SDK2: variants seen among roughly 807,000 people sequenced by gnomAD.
The protein encoded by SDK2 is sidekick cell adhesion molecule 2, also known as protein sidekick-2.
Under a neutral mutation model 253.9 loss-of-function variants are expected in SDK2, and 105 were observed. The observed-to-expected ratio is 0.41, with a 90% CI of 0.35 to 0.49. The LOEUF (loss-of-function observed/expected upper bound fraction) is 0.49, where lower values mean the gene tolerates loss of function less well. Ranked by LOEUF, SDK2 falls within the 20% of genes least tolerant of loss-of-function variation. The pLI is 0.06. For synonymous variants in SDK2, 1,249 were observed against 1,234.9 expected, an observed-to-expected ratio of 1.01 and a Z score of -0.24; for missense variants, 2,608 against 3,003.0, an observed-to-expected ratio of 0.87 and a Z score of 3.07.
intron 3 of SDK2, among the ~76,000 whole-genome samples, chr17:73,466,073 ACTC>A (rs1267584746): frequency 6.6e-6 from 1 of 151,974 alleles, no homozygotes; most frequent in African/African-American, 2.4e-5. Flanking sequence ...GGAGGCACCC[ACTC>A]TTGGGGTCAT....
intron 15 of SDK2, among the ~76,000 whole-genome samples, chr17:73,421,212 G>A (rs555565819): frequency 1.7e-4 from 26 of 152,316 alleles, no homozygotes; most frequent in African/African-American, 5.8e-4. Context: ...CAGTGAGTAT[G>A]TAAATCCCCC....
chr17:73,350,504 G>C, intron 42 of SDK2, 129 bp from the exon 43 acceptor site: 5 of 1,426,878 alleles, frequency 3.5e-6, no homozygotes, highest in Non-Finnish European at 4.7e-6. Flanking sequence ...GATTGAGATT[G>C]TGTGTAGAAA....
chr17:73,425,682 T>G (rs990583817), intron 12 of SDK2, among the ~76,000 whole-genome samples: 1 of 152,068 alleles, frequency 6.6e-6, no homozygotes, highest in Non-Finnish European at 1.5e-5. Context: ...TAATTTTGTA[T>G]TTTTAGTAGA....
intron 5 of SDK2, among the ~76,000 whole-genome samples, chr17:73,445,984 C>T (rs952664896): frequency 3.3e-5 from 5 of 151,986 alleles, no homozygotes; most frequent in Non-Finnish European, 7.4e-5. Context: ...GAGCAGAGAG[C>T]GAATGACTCC....
Position 73,435,651 on chromosome 17 carries a change from G to T in SDK2, c.1001-7C>A. The T allele has an allele frequency of 6.5e-7, 1 of 1,544,138 alleles. No homozygotes were observed. On this transcript the variant is annotated splice_region_variant and splice_polypyrimidine_tract_variant and intron_variant, in intron 8 of 44. Transcript: ENST00000392650. This position sits in a 1 kb window ranked among gnomAD's most constrained non-coding sequence, Gnocchi z 5.7. ...ATGGAGGGCGGCGGCACACCTGTGGGCAAGACGTGGGCCCACCGTCAACCT... is the reference window on the plus strand; with the variant it reads ...ATGGAGGGCGGCGGCACACCTGTGGTCAAGACGTGGGCCCACCGTCAACCT...
chr17:73,483,471 G>A lies in SDK2; in HGVS notation c.225-11253C>T, dbSNP rs1428603952. Among the ~76,000 whole-genome samples, 3 of 139,318 alleles carry A rather than the reference G, an allele frequency of 2.2e-5. No individual in the cohort carries two copies. The Admixed American group carries it at 2.2e-4, about 10-fold the overall frequency. 91.4% of individuals were successfully genotyped at this position (139,318 alleles called of 152,430 possible). On this transcript the variant is annotated intron_variant, in intron 2 of 44. Transcript: ENST00000392650. Reference sequence around the variant, plus strand: ...ACAGATACGTGCACCACCACACCTGGCTAATCTTTGTGTGTGTGTGTGTGT... The same window carrying A: ...ACAGATACGTGCACCACCACACCTGACTAATCTTTGTGTGTGTGTGTGTGT...
rs181072957 is a variant in SDK2, at chr17:73,467,488, T to C, written c.331+4624A>G. Among the ~76,000 whole-genome samples the C allele has an allele frequency of 1.8e-4, 28 of 152,214 alleles. No homozygotes were observed. The South Asian group carries it at 5.6e-3, about 30-fold the overall frequency. ...GCACAGTGACCCTCAGGACGAGCAC[T>C]GCTATGAGTGAGAATGGTTTTGCCA... On this transcript the variant is annotated intron_variant, in intron 3 of 44. Coordinates refer to ENST00000392650, the MANE Select transcript of SDK2 (RefSeq NM_001144952.2). The surrounding 1 kb of genome is among the most constrained non-coding windows in gnomAD (Gnocchi z 4.1).
intron 1 of SDK2, among the ~76,000 whole-genome samples, chr17:73,584,857 A>G (rs2045583780): frequency 6.6e-6 from 1 of 152,226 alleles, no homozygotes; most frequent in Admixed American, 6.5e-5. Context: ...GAGTCTCTAC[A>G]GGAGAAGAGG....
At chr17:73,601,164 C>T (rs1457729129) in intron 1 of SDK2, among the ~76,000 whole-genome samples, 2 of 152,072 alleles carry the variant, frequency 1.3e-5, no homozygotes, top group African/African-American at 2.4e-5. Flanking sequence ...GGAATACAGG[C>T]ATGCACCACC....
chr17:73,466,091 G>A (rs768092755), intron 3 of SDK2, among the ~76,000 whole-genome samples: 2 of 152,208 alleles, frequency 1.3e-5, no homozygotes, highest in African/African-American at 4.8e-5. Flanking sequence ...GGTCATGCAA[G>A]TACGGGGTGA....
intron 36 of SDK2, among the ~76,000 whole-genome samples, chr17:73,377,215 T>C (rs931542101): frequency 6.6e-6 from 1 of 151,526 alleles, no homozygotes; most frequent in African/African-American, 2.4e-5. Context: ...ATTCCTTTTT[T>C]TTTTTTCTTT....
intron 1 of SDK2, among the ~76,000 whole-genome samples, chr17:73,586,171 T>A (rs1368552177): frequency 1.3e-5 from 2 of 152,170 alleles, no homozygotes; most frequent in African/African-American, 4.8e-5. Flanking sequence ...AAGCACTGGA[T>A]AAGGTGTTAG....
In SDK2 at chr17:73,393,688, G is replaced by A. The variant is rs1304776016; in HGVS notation, c.3770C>T (p.Ser1257Leu). Residue 1257 changes from serine to leucine, a missense_variant, in exon 27 of 45, where the codon TCG becomes TTG. Transcript: ENST00000392650. Reference protein sequence around the residue: ...QPRFWLVEGNSSRSAQLTGLG... With the variant: ...QPRFWLVEGNLSRSAQLTGLG... ...GCCGGTGAGCTGGGCACTGCGAGAC[G>A]AGTTGCCTTCCACCAGCCAGAATCG... The A allele has an allele frequency of 1.9e-5, 30 of 1,595,162 alleles. No individual in the cohort carries two copies. Among genetic ancestry groups the A allele is most frequent in the African/African-American group, 4.0e-5 (3 of 74,664 alleles).
chr17:73,620,337 C>G (rs2143191246), intron 1 of SDK2, among the ~76,000 whole-genome samples: 1 of 152,314 alleles, frequency 6.6e-6, no homozygotes, highest in East Asian at 1.9e-4. Context: ...TAAGGTAACA[C>G]TTCACACCCA....
Position 73,379,388 on chromosome 17 carries a change from G to A in SDK2, c.4864+60C>T. 6.5e-7 allele frequency: 1 copy of A among 1,529,458 alleles called. No homozygotes were observed. The highest frequency in any genetic ancestry group is 2.3e-5 in the East Asian group (1 of 43,882). The allele number at this position is 1,529,458 out of a possible 1,614,324, so 94.7% of individuals were successfully genotyped here. The stretch of plus-strand genomic sequence containing the variant: ...GGGAGCCCAGATCCCGTTTCTTCCA[G>A]CTGAACTGGGTGGGGCTGGGAAAGG... On this transcript the variant is annotated intron_variant, in intron 35 of 44. Coordinates refer to ENST00000392650, the MANE Select transcript of SDK2 (RefSeq NM_001144952.2). This position sits in a 1 kb window ranked among gnomAD's most constrained non-coding sequence, Gnocchi z 4.5.
chr17:73,538,317 C>T (rs762393555), intron 1 of SDK2, among the ~76,000 whole-genome samples: 4 of 152,130 alleles, frequency 2.6e-5, no homozygotes, highest in Non-Finnish European at 5.9e-5. Flanking sequence ...TGTACTCCAG[C>T]GGCTCCACCA....
chr17:73,542,872 T>C (rs2044892203), intron 1 of SDK2, among the ~76,000 whole-genome samples: 1 of 152,122 alleles, frequency 6.6e-6, no homozygotes, highest in East Asian at 1.9e-4. Context: ...TTCCCGGAAA[T>C]GACTGCAGTC....
At chr17:73,399,377 G>A (rs2063002479) in intron 21 of SDK2, 88 bp from the exon 22 acceptor site, 5 of 1,376,558 alleles carry the variant, frequency 3.6e-6, no homozygotes, top group Non-Finnish European at 5.1e-6. Context: ...AGGGGGCTGT[G>A]TGTCACGCTT....
At position 73,541,047 on chromosome 17, in the gene SDK2, C is replaced by G. The variant is rs2044860573; in HGVS notation, c.65-33450G>C. Among the ~76,000 whole-genome samples, 1 of 152,214 alleles carries G rather than the reference C, an allele frequency of 6.6e-6. No individual in the cohort carries two copies. Among genetic ancestry groups the G allele is most frequent in the Admixed American group, 6.5e-5 (1 of 15,290 alleles). Reference sequence around the variant, plus strand: ...CGGCCATCAAGCTGCCAATGGTAAGCTGCTAGGCCCCCTGAGAGTAGGTGT... The same window carrying G: ...CGGCCATCAAGCTGCCAATGGTAAGGTGCTAGGCCCCCTGAGAGTAGGTGT... On this transcript the variant is annotated intron_variant, in intron 1 of 44. Coordinates refer to ENST00000392650, the MANE Select transcript of SDK2 (RefSeq NM_001144952.2). This position sits in a 1 kb window ranked among gnomAD's most constrained non-coding sequence, Gnocchi z 4.3.
Sources: allele counts gnomAD v4.1 joint callset (sites outside exome capture counted in the v4.1 genomes callset), GRCh38; gene constraint gnomAD v4.1.1; non-coding constraint Gnocchi (gnomAD v3.1); transcripts MANE v1.5; gene names NCBI Gene and HGNC (gene_info 2026-07-23, HGNC 2026-07-21).